The following ARSL variants were observed in gnomAD, a reference collection of about 807,000 sequenced individuals.
ARSL encodes arylsulfatase E (chondrodysplasia punctata 1).
Under a neutral mutation model 31.1 loss-of-function variants are expected in ARSL, and 4 were observed. The observed-to-expected ratio is 0.13, with a 90% CI of 0.06 to 0.29. ARSL has a LOEUF of 0.29. Among genes scored for constraint, ARSL ranks in the 10% least tolerant of loss-of-function variants. The probability of loss-of-function intolerance (pLI) is 1.00; values close to 1 mark genes in which losing one functional copy is unlikely to be tolerated. For missense variants in ARSL, 312 were observed against 497.8 expected (o/e 0.63, Z 3.55); for synonymous variants, 198 against 209.9 (o/e 0.94, Z 0.49).
At chrX:2,939,671 G>A (rs1391476886) in intron 8 of ARSL, among the ~76,000 whole-genome samples, 1 of 110,338 alleles carries the variant, frequency 9.1e-6, no homozygotes, top group African/African-American at 3.3e-5. Context: ...GCCTAAAAAG[G>A]CTCTTTCAAG....
At chrX:2,959,330 G>A (rs2089569474) in intron 2 of ARSL, among the ~76,000 whole-genome samples, 1 of 111,905 alleles carries the variant, frequency 8.9e-6, no homozygotes, top group Non-Finnish European at 1.9e-5. Flanking sequence ...TGGAGGTGAA[G>A]GAGGTTCCAG....
At chrX:2,941,391 A>C (rs1172721060) in intron 8 of ARSL, among the ~76,000 whole-genome samples, 1 of 109,178 alleles carries the variant, frequency 9.2e-6, no homozygotes, top group Non-Finnish European at 1.9e-5. Flanking sequence ...AGTAGCTGGG[A>C]TTACAGGCAC....
intron 8 of ARSL, among the ~76,000 whole-genome samples, chrX:2,938,962 T>G (rs1603461657): frequency 2.0e-5 from 2 of 98,905 alleles, no homozygotes; most frequent in African/African-American, 3.8e-5. Flanking sequence ...GAGCCCCCGG[T>G]AACTGGGAGA....
intron 1 of ARSL, among the ~76,000 whole-genome samples, chrX:2,963,517 T>TTTTTC (rs2089666756): frequency 9.3e-6 from 1 of 107,737 alleles, no homozygotes; most frequent in African/African-American, 3.4e-5. Context: ...CTTTTTCTAA[T>TTTTTC]TTTTCTTTTC....
At chrX:2,944,200 A>C (rs12394933) in intron 7 of ARSL, among the ~76,000 whole-genome samples, 1,917 of 109,394 alleles carry the variant, frequency 0.018, 35 homozygotes, top group African/African-American at 0.057. Flanking sequence ...TCATCCCTGT[A>C]ATCCCAGCAC....
intron 2 of ARSL, 32 bp downstream of exon 2, chrX:2,960,346 A>C: frequency 1.2e-6 from 1 of 846,927 alleles, no homozygotes; most frequent in Non-Finnish European, 1.7e-6. Flanking sequence ...AAGAAAGGAG[A>C]CTACTAATGA....
intron 4 of ARSL, 86 bp from the exon 5 acceptor site, chrX:2,953,351 T>G: frequency 9.6e-7 from 1 of 1,041,498 alleles, no homozygotes; most frequent in Non-Finnish European, 1.3e-6. Flanking sequence ...AATAGAACAC[T>G]TGGTAAAAAT....
chrX:2,938,192 C>T lies in ARSL; in HGVS notation c.1192G>A (p.Val398Met), dbSNP rs749325947. The T allele has an allele frequency of 9.1e-6, 11 of 1,212,181 alleles. No individual in the cohort carries two copies. The Admixed American group carries it at 2.2e-4, about 24-fold the overall frequency. ...RVPGIFRWPG[V>M]LPAGRVIGEP... ...CCAATCACTCGGCCGGCCGGGAGCACCCCGGGCCAGCGGAAGATCCCGGGC... is the reference window on the plus strand; with the variant it reads ...CCAATCACTCGGCCGGCCGGGAGCATCCCGGGCCAGCGGAAGATCCCGGGC... The change falls in exon 9 of 11, where the codon GTG (valine) becomes ATG (methionine). Residue 398 changes from valine (V) to methionine (M), a missense_variant. Transcript: ENST00000381134.
At chrX:2,957,100 A>G (rs1331033223) in intron 3 of ARSL, among the ~76,000 whole-genome samples, 1 of 107,914 alleles carries the variant, frequency 9.3e-6, no homozygotes, top group East Asian at 3.0e-4. Context: ...GGGCGCCTGT[A>G]GTCCAAGCTA....
At chrX:2,960,647 A>C (rs960791758) in intron 1 of ARSL, among the ~76,000 whole-genome samples, 1 of 112,214 alleles carries the variant, frequency 8.9e-6, no homozygotes, top group Non-Finnish European at 1.9e-5. Flanking sequence ...GTTTCAATAC[A>C]CAGCCAGATG....
chrX:2,954,739 T>A (rs1213328166), intron 4 of ARSL, among the ~76,000 whole-genome samples: 1 of 112,176 alleles, frequency 8.9e-6, no homozygotes, highest in Non-Finnish European at 1.9e-5. Context: ...AGTTTATTAC[T>A]CACAGTTCAA....
In ARSL at chrX:2,958,274, C is replaced by A. The variant is rs2089553875; in HGVS notation, c.185G>T (p.Arg62Met). Residue 62 changes from arginine to methionine, a missense_variant and splice_region_variant, in exon 3 of 11, where the codon AGG becomes ATG. Coordinates refer to ENST00000381134, the MANE Select transcript of ARSL (RefSeq NM_000047.3). The stretch of plus-strand genomic sequence containing the variant: ...AGGTGAGTAATTCTCTGTCCCTTGC[C>A]TCATGGTGTTGTTGCCATAGCAGCC... ...DIGCYGNNTM[R>M]TPNIDRLAED... 2.5e-6 allele frequency: 3 copies of A among 1,211,544 alleles called. No homozygotes were observed. Among genetic ancestry groups the A allele is most frequent in the Non-Finnish European group, 3.4e-6 (3 of 895,400 alleles).
chrX:2,936,183 A>C (rs929027835), intron 10 of ARSL, among the ~76,000 whole-genome samples: 7 of 110,376 alleles, frequency 6.3e-5, no homozygotes, highest in African/African-American at 2.3e-4. Flanking sequence ...AAAATACAAG[A>C]AATTAGCCAG....
At chrX:2,960,084 A>C (rs1261958388) in intron 2 of ARSL, among the ~76,000 whole-genome samples, 2 of 102,471 alleles carry the variant, frequency 2.0e-5, no homozygotes, top group African/African-American at 3.5e-5. Flanking sequence ...CCTGGCTAAC[A>C]CGGTGAAACC....
intron 4 of ARSL, among the ~76,000 whole-genome samples, chrX:2,955,088 C>T (rs776091354): frequency 8.9e-6 from 1 of 111,966 alleles, no homozygotes; most frequent in African/African-American, 3.2e-5. Context: ...GAAAGGTGCA[C>T]TCCCAGGTGA....
Position 2,949,450 on chromosome X carries a change from G to A in ARSL, c.708C>T (p.Leu236=), listed in dbSNP as rs1292368243. 1.7e-6 allele frequency: 2 copies of A among 1,211,338 alleles called. No homozygotes were observed. The highest frequency in any genetic ancestry group is 1.8e-5 in the South Asian group (1 of 56,902). ...CCACAAAATAGGAGCTTGCGAGGAG[G>A]AGGACGGCCGAAAGGGCTGACCAGA... ...PVIWSALSAV[L]LLASSYFVGA... is the part of the protein sequence containing the mutation. The change falls in exon 6 of 11, where the codon CTC becomes CTT. Residue 236 remains leucine (L), a synonymous_variant. Transcript: ENST00000381134.
At chrX:2,952,570 A>C (rs1327939588) in intron 5 of ARSL, among the ~76,000 whole-genome samples, 2 of 111,882 alleles carry the variant, frequency 1.8e-5, no homozygotes, top group East Asian at 2.8e-4. Flanking sequence ...CCTGGGGGGT[A>C]AGGGTTTCAA....
At chrX:2,947,568 A>G (rs1427376709) in intron 6 of ARSL, among the ~76,000 whole-genome samples, 2 of 112,269 alleles carry the variant, frequency 1.8e-5, no homozygotes, top group African/African-American at 6.5e-5. Flanking sequence ...TAGATCCTTG[A>G]AGCCTAAGAG....
In ARSL at chrX:2,934,983, C is replaced by T. The variant is rs369409927; in HGVS notation, c.1619G>A (p.Arg540Gln). The change falls in exon 11 of 11, where the codon CGA becomes CAA. Residue 540 changes from arginine (R) to glutamine (Q), a missense_variant. By Grantham distance (43) the Arg-to-Gln change is conservative (BLOSUM62 1). Transcript: ENST00000381134. ...SEPVFYQVME[R>Q]VQQAVWEHQR... ...GTGTTCCCACACCGCCTGCTGGACT[C>T]GTTCCATCACCTGATAGAACACGGG... 138 of 1,209,224 alleles carry T rather than the reference C, an allele frequency of 1.1e-4. 2 individuals carry two copies. In the South Asian group the frequency reaches 2.3e-3, roughly 20 times the overall value.
Sources: gnomAD v4.1 joint callset for allele counts (sites outside exome capture counted in the v4.1 genomes callset) on GRCh38, gnomAD v4.1.1 for gene constraint, MANE v1.5 for transcripts, NCBI Gene and HGNC (gene_info 2026-07-23, HGNC 2026-07-21) for gene names.